The following RAB3C variants were observed in gnomAD, a reference collection of about 807,000 sequenced individuals.
RAB3C encodes ras-related protein Rab-3C.
A neutral mutation model predicts 26.4 loss-of-function variants in RAB3C; 17 were observed. The ratio of observed to expected loss-of-function variants is 0.64; its 90% CI spans 0.44 to 0.97. RAB3C has a LOEUF of 0.97. RAB3C is among the 50% of genes least tolerant of loss of function. RAB3C has a pLI of 0.00. For missense variants in RAB3C, 242 were observed against 281.9 expected (o/e 0.86, Z 1.01); for synonymous variants, 91 against 95.9 (o/e 0.95, Z 0.30).
chr5:58,827,615 T>C (rs561536361), intron 4 of RAB3C, among the ~76,000 whole-genome samples: 6 of 152,370 alleles, frequency 3.9e-5, no homozygotes, highest in African/African-American at 1.4e-4. Flanking sequence ...GCAAAGTTCC[T>C]GAAATTGTGA....
chr5:58,591,994 G>C (rs976832236), intron 1 of RAB3C, among the ~76,000 whole-genome samples: 1 of 150,650 alleles, frequency 6.6e-6, no homozygotes, highest in Non-Finnish European at 1.5e-5. Flanking sequence ...TGCCTCCCGG[G>C]TTCAAGCGAT....
At chr5:58,745,392 C>CAAAAAAAAAAAAAAAAAAA (rs1173604247) in intron 3 of RAB3C, among the ~76,000 whole-genome samples, 2 of 33,110 alleles carry the variant, frequency 6.0e-5, no homozygotes, top group African/African-American at 1.9e-4. Flanking sequence ...GACTCTGCTT[C>CAAAAAAAAAAAAAAAAAAA]AAAAAAAAAA....
At chr5:58,811,535 A>G (rs564216910) in intron 3 of RAB3C, among the ~76,000 whole-genome samples, 7 of 152,252 alleles carry the variant, frequency 4.6e-5, no homozygotes, top group African/African-American at 1.7e-4. Flanking sequence ...TTTTACCAGA[A>G]CCCAAGGCCT....
chr5:58,714,341 A>G (rs182027000), intron 2 of RAB3C, among the ~76,000 whole-genome samples: 222 of 152,310 alleles, frequency 1.5e-3, no homozygotes, highest in African/African-American at 5.1e-3. Flanking sequence ...AAGTGAAGAT[A>G]GACTATAACT....
intron 4 of RAB3C, among the ~76,000 whole-genome samples, chr5:58,830,141 G>A (rs995620249): frequency 2.6e-5 from 4 of 152,076 alleles, no homozygotes; most frequent in South Asian, 2.1e-4. Context: ...TATATACTCC[G>A]AAACATATTG....
chr5:58,603,215 AC>A (rs1746493687), intron 1 of RAB3C, among the ~76,000 whole-genome samples: 1 of 152,132 alleles, frequency 6.6e-6, no homozygotes, highest in Non-Finnish European at 1.5e-5. Context: ...TTTATAGGTT[AC>A]CTGGTGCTTC....
In RAB3C at chr5:58,649,673, GC is replaced by G. The variant is rs1335440270; in HGVS notation, c.252+31806del. Among the ~76,000 whole-genome samples the G allele has an allele frequency of 3.3e-5, 5 of 151,946 alleles. No homozygotes were observed. In the East Asian group the frequency reaches 9.7e-4, roughly 29 times the overall value. ...GTCTCTTACTGTCACGCTTCACCAA[GC>G]CCGACAAGCTCTTGTCTCTCCCTGC... On this transcript the variant is annotated intron_variant, in intron 2 of 4. Transcript: ENST00000282878.
At chr5:58,830,556 T>C (rs957757942) in intron 4 of RAB3C, among the ~76,000 whole-genome samples, 6 of 152,188 alleles carry the variant, frequency 3.9e-5, no homozygotes, top group African/African-American at 1.4e-4. Context: ...TGATTTCTAC[T>C]GAGCCTGAAT....
At chr5:58,828,001 T>A (rs1175865830) in intron 4 of RAB3C, among the ~76,000 whole-genome samples, 1 of 152,230 alleles carries the variant, frequency 6.6e-6, no homozygotes, top group African/African-American at 2.4e-5. Flanking sequence ...AACTGCTTTA[T>A]CGATCTGGTA....
At chr5:58,803,799 G>A (rs1466326433) in intron 3 of RAB3C, among the ~76,000 whole-genome samples, 1 of 152,204 alleles carries the variant, frequency 6.6e-6, no homozygotes, top group African/African-American at 2.4e-5. Context: ...AGTGGCTCAT[G>A]CCTGTAATCC....
chr5:58,757,931 GTTGTTTTGTTTTGTT>G (rs111469253), intron 3 of RAB3C, among the ~76,000 whole-genome samples: 1 of 151,146 alleles, frequency 6.6e-6, no homozygotes, highest in Non-Finnish European at 1.5e-5. Context: ...TGTTGTTGTT[GTTGTTTTGTTTTGTT>G]TTGTTTTGTT....
chr5:58,621,021 C>T (rs1336548096), intron 2 of RAB3C, among the ~76,000 whole-genome samples: 1 of 152,146 alleles, frequency 6.6e-6, no homozygotes, highest in Non-Finnish European at 1.5e-5. Context: ...TCACAAATCA[C>T]TTATTTGGAA....
At chr5:58,696,566 T>C (rs1748704870) in intron 2 of RAB3C, among the ~76,000 whole-genome samples, 1 of 152,226 alleles carries the variant, frequency 6.6e-6, no homozygotes, top group South Asian at 2.1e-4. Context: ...TCTTTTTGTT[T>C]GGTAGGCTAT....
At chr5:58,740,603 C>T (rs974790220) in intron 3 of RAB3C, among the ~76,000 whole-genome samples, 2 of 152,162 alleles carry the variant, frequency 1.3e-5, no homozygotes, top group Admixed American at 6.5e-5. Context: ...GGGTGGATCA[C>T]GAGGTCAAGA....
At position 58,643,370 on chromosome 5, in the gene RAB3C, A is replaced by T. The variant is rs192580983; in HGVS notation, c.252+25500A>T. 3.0e-4 allele frequency among the ~76,000 whole-genome samples: 45 copies of T among 152,336 alleles called. No homozygotes were observed. The East Asian group carries it at 6.9e-3, about 23-fold the overall frequency. On this transcript the variant is annotated intron_variant, in intron 2 of 4. Transcript: ENST00000282878. ...ATTTAGGATAAATGACATAAGTATC[A>T]GTTGGCCGGCTTATTTTTATGCATG...
intron 3 of RAB3C, among the ~76,000 whole-genome samples, chr5:58,734,008 A>G (rs1409629787): frequency 1.3e-5 from 2 of 152,176 alleles, no homozygotes; most frequent in African/African-American, 2.4e-5. Context: ...ACAATGAGGA[A>G]CTATAAATAT....
At chr5:58,829,767 T>C (rs2112978) in intron 4 of RAB3C, among the ~76,000 whole-genome samples, 88,449 of 152,006 alleles carry the variant, frequency 0.58, 25,946 homozygotes, top group Middle Eastern at 0.71. Flanking sequence ...ATTCATCCCC[T>C]GTACCCTTCC....
intron 1 of RAB3C, among the ~76,000 whole-genome samples, chr5:58,589,752 A>C (rs1162494104): frequency 6.6e-6 from 1 of 152,194 alleles, no homozygotes; most frequent in Non-Finnish European, 1.5e-5. Flanking sequence ...TTAATATTAT[A>C]AACTTTCAAA....
chr5:58,697,955 G>C (rs141646537), intron 2 of RAB3C, among the ~76,000 whole-genome samples: 5 of 152,030 alleles, frequency 3.3e-5, no homozygotes, highest in African/African-American at 1.2e-4. Context: ...GAATTTGATC[G>C]TGTCATTATG....
Sources: gnomAD v4.1 joint callset for allele counts (sites outside exome capture counted in the v4.1 genomes callset) on GRCh38, gnomAD v4.1.1 for gene constraint, MANE v1.5 for transcripts, NCBI Gene and HGNC (gene_info 2026-07-23, HGNC 2026-07-21) for gene names.